The following CLSTN2 variants were observed in gnomAD, a reference collection of about 807,000 sequenced individuals.
The protein encoded by CLSTN2 is calsyntenin 2, also known as calsyntenin-2.
A neutral mutation model predicts 101.2 loss-of-function variants in CLSTN2; 48 were observed. The observed-to-expected ratio is 0.47, with a 90% CI of 0.38 to 0.60. CLSTN2 has a LOEUF of 0.60. Among genes scored for constraint, CLSTN2 ranks in the 20% least tolerant of loss-of-function variants. The pLI is 0.00. For missense variants in CLSTN2, 1,160 were observed against 1,238.2 expected (o/e 0.94, Z 0.95); for synonymous variants, 481 against 463.6 (o/e 1.04, Z -0.48).
intron 2 of CLSTN2, among the ~76,000 whole-genome samples, chr3:140,316,063 A>G (rs2087228589): frequency 6.6e-6 from 1 of 152,332 alleles, no homozygotes; most frequent in Admixed American, 6.5e-5. Context: ...CTCATTTGGT[A>G]GGCATCTGCT....
intron 1 of CLSTN2, among the ~76,000 whole-genome samples, chr3:140,138,271 C>T (rs1696808622): frequency 6.6e-6 from 1 of 152,182 alleles, no homozygotes; most frequent in African/African-American, 2.4e-5. Flanking sequence ...GAGACAGGGA[C>T]AGCTTAAAAA....
chr3:140,074,600 T>A (rs2008455002), intron 1 of CLSTN2, among the ~76,000 whole-genome samples: 1 of 152,238 alleles, frequency 6.6e-6, no homozygotes, highest in Non-Finnish European at 1.5e-5. Context: ...CTGAGTACTC[T>A]TTAATGTTCA....
intron 1 of CLSTN2, among the ~76,000 whole-genome samples, chr3:140,097,718 C>G (rs1158382373): frequency 2.0e-5 from 3 of 152,114 alleles, no homozygotes; most frequent in East Asian, 1.9e-4. Context: ...CTGGAAGGTG[C>G]TGATATTAAA....
intron 8 of CLSTN2, among the ~76,000 whole-genome samples, chr3:140,484,712 A>C (rs1304245952): frequency 6.6e-6 from 1 of 151,860 alleles, no homozygotes; most frequent in Non-Finnish European, 1.5e-5. Context: ...CATTCATTTG[A>C]TCTTCCATCA....
At chr3:140,289,738 A>G (rs1373545813) in intron 2 of CLSTN2, among the ~76,000 whole-genome samples, 1 of 152,150 alleles carries the variant, frequency 6.6e-6, no homozygotes, top group Non-Finnish European at 1.5e-5. Flanking sequence ...AGAGTTCAGT[A>G]ATTGCTGCCT....
At chr3:140,367,970 C>A (rs11714842) in intron 2 of CLSTN2, among the ~76,000 whole-genome samples, 1 of 151,986 alleles carries the variant, frequency 6.6e-6, no homozygotes. Flanking sequence ...CATGTTACAT[C>A]ACTGGGAAGA....
rs1392140089 is a variant in CLSTN2, at chr3:140,158,707, A to G, written c.110-17244A>G. 6.6e-5 allele frequency among the ~76,000 whole-genome samples: 10 copies of G among 152,326 alleles called. No homozygotes were observed. In the East Asian group the frequency reaches 1.9e-3, roughly 29 times the overall value. ...ACTCTAAAATTTATATGGAACCAAA[A>G]AAGAGCCTGAATAACCAAAGCAATC... On this transcript the variant is annotated intron_variant, in intron 1 of 16. Transcript: ENST00000458420.
intron 10 of CLSTN2, among the ~76,000 whole-genome samples, chr3:140,552,734 ATG>A (rs1308692799): frequency 6.6e-6 from 1 of 152,038 alleles, no homozygotes; most frequent in Non-Finnish European, 1.5e-5. Flanking sequence ...CATGCTTTCG[ATG>A]TGCTAGACCC....
chr3:140,427,707 T>C (rs58958285), intron 5 of CLSTN2, among the ~76,000 whole-genome samples: 4,546 of 152,258 alleles, frequency 0.03, 213 homozygotes, highest in African/African-American at 0.1. Context: ...GATCCCAGTA[T>C]GCACCTGTCT....
chr3:140,565,776 G>T (rs2107795875), intron 16 of CLSTN2, among the ~76,000 whole-genome samples: 1 of 152,292 alleles, frequency 6.6e-6, no homozygotes, highest in Middle Eastern at 3.4e-3. Context: ...GGATAGGATT[G>T]GCTAAAATGT....
intron 5 of CLSTN2, among the ~76,000 whole-genome samples, chr3:140,427,772 G>A (rs1204284305): frequency 6.6e-6 from 1 of 152,034 alleles, no homozygotes; most frequent in Non-Finnish European, 1.5e-5. Context: ...ATTTCCTCAG[G>A]TTTTTGGGGA....
intron 2 of CLSTN2, among the ~76,000 whole-genome samples, chr3:140,180,002 A>C (rs1051581965): frequency 6.6e-6 from 1 of 152,196 alleles, no homozygotes; most frequent in Non-Finnish European, 1.5e-5. Flanking sequence ...TGGCCGTCAT[A>C]AGGTTCATTC....
chr3:140,408,752 A>G, intron 4 of CLSTN2, among the ~76,000 whole-genome samples: 1 of 152,168 alleles, frequency 6.6e-6, no homozygotes, highest in East Asian at 1.9e-4. Context: ...CACTACATGT[A>G]TGCCCCAAAA....
rs117030943 is a variant in CLSTN2 at position 140,088,778 on chromosome 3, G to A, written c.110-87173G>A. On this transcript the variant is annotated intron_variant, in intron 1 of 16. Transcript: ENST00000458420. ...CTGGGTTTCTTCCTGGACCCAGCAA[G>A]GGAGGCCTTCACAGCTTGCAGTGGA... Among the ~76,000 whole-genome samples, 66 of 152,294 alleles carry A rather than the reference G, an allele frequency of 4.3e-4. No homozygotes were observed. The East Asian group carries it at 0.012, about 28-fold the overall frequency.
chr3:139,953,017 A>G (rs73224951), intron 1 of CLSTN2, among the ~76,000 whole-genome samples: 4 of 152,088 alleles, frequency 2.6e-5, no homozygotes, highest in Admixed American at 6.5e-5. Flanking sequence ...CCGCTACCCC[A>G]CTGTGCTGAA....
At chr3:140,348,370 C>T (rs1438813236) in intron 2 of CLSTN2, among the ~76,000 whole-genome samples, 1 of 152,158 alleles carries the variant, frequency 6.6e-6, no homozygotes, top group African/African-American at 2.4e-5. Flanking sequence ...TCTGATCGCC[C>T]TTATATTCAT....
At chr3:140,410,228 C>T (rs1386068288) in intron 4 of CLSTN2, among the ~76,000 whole-genome samples, 2 of 151,870 alleles carry the variant, frequency 1.3e-5, no homozygotes, top group Non-Finnish European at 2.9e-5. Flanking sequence ...CCCCAAAAGA[C>T]TTTGCCATGA....
At chr3:140,302,657 C>T (rs1308862673) in intron 2 of CLSTN2, among the ~76,000 whole-genome samples, 1 of 152,180 alleles carries the variant, frequency 6.6e-6, no homozygotes, top group East Asian at 1.9e-4. Flanking sequence ...GAGTACCTGC[C>T]ATGTGCAAAA....
intron 1 of CLSTN2, among the ~76,000 whole-genome samples, chr3:139,937,574 TA>T (rs59496165): frequency 0.11 from 12,757 of 114,634 alleles, 624 homozygotes; most frequent in African/African-American, 0.14. Context: ...CCGTCTCTAC[TA>T]AAAAAAAAAA....
Sources: allele counts gnomAD v4.1 joint callset (sites outside exome capture counted in the v4.1 genomes callset), GRCh38; gene constraint gnomAD v4.1.1; transcripts MANE v1.5; gene names NCBI Gene and HGNC (gene_info 2026-07-23, HGNC 2026-07-21).